Variants in GRM8 observed in about 807,000 individuals in gnomAD.
GRM8 encodes the protein metabotropic glutamate receptor 8.
In GRM8, 47 loss-of-function variants were observed where a neutral mutation model predicts 87.2. That is an observed-to-expected ratio of 0.54 (90% CI 0.43 to 0.69). The LOEUF is 0.69. GRM8 is among the 30% of genes least tolerant of loss of function. The probability of loss-of-function intolerance (pLI) is 0.00; values close to 1 mark genes in which losing one functional copy is unlikely to be tolerated. For synonymous variants in GRM8, 396 were observed against 404.5 expected, an observed-to-expected ratio of 0.98 and a Z score of 0.25; for missense variants, 1,019 against 1,139.2, an observed-to-expected ratio of 0.89 and a Z score of 1.52.
chr7:126,693,560 T>C (rs1809044165), intron 7 of GRM8, among the ~76,000 whole-genome samples: 1 of 152,176 alleles, frequency 6.6e-6, no homozygotes, highest in Non-Finnish European at 1.5e-5. Flanking sequence ...TATTCCAATC[T>C]ATTGACATTT....
intron 2 of GRM8, among the ~76,000 whole-genome samples, chr7:127,237,544 C>A (rs1341854308): frequency 6.6e-6 from 1 of 152,220 alleles, no homozygotes; most frequent in Non-Finnish European, 1.5e-5. Context: ...GCCAGGGAAA[C>A]AAGCTGCTTC....
chr7:127,006,832 T>G (rs1017475369), intron 3 of GRM8, among the ~76,000 whole-genome samples: 4 of 152,132 alleles, frequency 2.6e-5, no homozygotes, highest in Admixed American at 1.3e-4. Flanking sequence ...TATATACGCA[T>G]CCCCTATTTG....
At chr7:126,518,235 C>G (rs188515743) in intron 9 of GRM8, among the ~76,000 whole-genome samples, 4 of 152,184 alleles carry the variant, frequency 2.6e-5, no homozygotes, top group Admixed American at 2.6e-4. Context: ...TAAGAGATTA[C>G]TTTACACAAT....
At chr7:127,047,510 T>C (rs545344313) in intron 3 of GRM8, among the ~76,000 whole-genome samples, 2 of 152,166 alleles carry the variant, frequency 1.3e-5, no homozygotes, top group Non-Finnish European at 2.9e-5. Context: ...TTCTCCTTTT[T>C]TTCCCCTTGC....
In GRM8 at chr7:126,445,809, C is replaced by T. The variant is rs951537700; in HGVS notation, c.2677+317G>A. Among the ~76,000 whole-genome samples the T allele has an allele frequency of 8.6e-5, 13 of 151,862 alleles. No homozygotes were observed. The East Asian group carries it at 2.5e-3, about 30-fold the overall frequency. On this transcript the variant is annotated intron_variant, in intron 10 of 10. Transcript: ENST00000339582. ...ACAAGAAAAATTGTGGAATTGTTTC[C>T]AAGTACTAAAAGATAATTTTTATAA...
chr7:126,781,474 C>T (rs1820068510), intron 6 of GRM8, among the ~76,000 whole-genome samples: 1 of 152,164 alleles, frequency 6.6e-6, no homozygotes, highest in Non-Finnish European at 1.5e-5. Context: ...TTGCAAGTTA[C>T]TAATAGTACT....
chr7:126,649,865 T>A (rs1291768671), intron 7 of GRM8, among the ~76,000 whole-genome samples: 1 of 152,162 alleles, frequency 6.6e-6, no homozygotes, highest in Non-Finnish European at 1.5e-5. Flanking sequence ...ACTTGGGCCA[T>A]ATGACCCAGG....
chr7:127,013,053 C>T (rs1815056169), intron 3 of GRM8, among the ~76,000 whole-genome samples: 1 of 152,112 alleles, frequency 6.6e-6, no homozygotes, highest in South Asian at 2.1e-4. Context: ...TATTTCTAGA[C>T]TTTCTGTTAA....
rs777966522 is a variant in GRM8, at chr7:126,609,495, C to T, written c.1361G>A (p.Ser454Asn). The T allele has an allele frequency of 1.9e-6, 3 of 1,610,370 alleles. No individual in the cohort carries two copies. Among genetic ancestry groups the T allele is most frequent in the Admixed American group, 3.3e-5 (2 of 59,742 alleles). The change falls in exon 8 of 11, where the codon AGT (serine) becomes AAT (asparagine). Residue 454 changes from serine (S) to asparagine (N), a missense_variant. Coordinates refer to ENST00000339582, the MANE Select transcript of GRM8 (RefSeq NM_000845.3). ...GYIRAVNFNGSAGTPVTFNEN... is the reference protein window; with the variant it reads ...GYIRAVNFNGNAGTPVTFNEN... The stretch of plus-strand genomic sequence containing the variant: ...ATTAAAAGTGACAGGAGTGCCAGCA[C>T]TGCCTATAAAGATTTAGAAAACAAT...
chr7:127,066,996 A>G (rs933474046), intron 3 of GRM8, among the ~76,000 whole-genome samples: 4 of 152,158 alleles, frequency 2.6e-5, no homozygotes, highest in African/African-American at 7.2e-5. Flanking sequence ...CTGCCTAGCT[A>G]TTAAGTGGCA....
chr7:126,953,284 T>A (rs910950135), intron 3 of GRM8, among the ~76,000 whole-genome samples: 9 of 152,118 alleles, frequency 5.9e-5, no homozygotes, highest in African/African-American at 2.2e-4. Flanking sequence ...GACTTAAGAA[T>A]CTATATCAAC....
intron 6 of GRM8, among the ~76,000 whole-genome samples, chr7:126,844,200 T>C (rs193125777): frequency 6.6e-6 from 1 of 152,318 alleles, no homozygotes; most frequent in Non-Finnish European, 1.5e-5. Context: ...CACTGATTAT[T>C]GTACCATTCC....
At chr7:126,836,120 A>G (rs1028734574) in intron 6 of GRM8, among the ~76,000 whole-genome samples, 1 of 152,206 alleles carries the variant, frequency 6.6e-6, no homozygotes, top group African/African-American at 2.4e-5. Flanking sequence ...TGAATTTCAC[A>G]TTACTGAAGC....
chr7:126,969,197 G>A (rs979495165), intron 3 of GRM8, among the ~76,000 whole-genome samples: 1 of 152,100 alleles, frequency 6.6e-6, no homozygotes, highest in Non-Finnish European at 1.5e-5. Flanking sequence ...TCAGGGTGGT[G>A]GTTGCTGATA....
intron 6 of GRM8, among the ~76,000 whole-genome samples, chr7:126,856,913 C>T (rs1563254082): frequency 6.6e-6 from 1 of 152,310 alleles, no homozygotes; most frequent in East Asian, 1.9e-4. Context: ...TCTTTTGTGG[C>T]ATTTGGGGAA....
At chr7:126,927,680 C>A (rs898842520) in intron 3 of GRM8, among the ~76,000 whole-genome samples, 4 of 152,066 alleles carry the variant, frequency 2.6e-5, no homozygotes, top group Non-Finnish European at 5.9e-5. Flanking sequence ...CCATCTCATG[C>A]CAGTTAGAAT....
At chr7:126,855,977 T>A (rs766170918) in intron 6 of GRM8, among the ~76,000 whole-genome samples, 10 of 152,172 alleles carry the variant, frequency 6.6e-5, no homozygotes, top group Non-Finnish European at 1.5e-4. Context: ...GTATGCCAGA[T>A]GCTGGATTGT....
rs535946193 is a variant in GRM8, at chr7:127,187,120, A to T, written c.510+55575T>A. On this transcript the variant is annotated intron_variant, in intron 2 of 10. Coordinates refer to ENST00000339582, the MANE Select transcript of GRM8 (RefSeq NM_000845.3). ...TCCTCAGACAGTGAGAGCAAGATAC[A>T]CATCTGTAGATCTCCTACTCTAGTT... Among the ~76,000 whole-genome samples the T allele has an allele frequency of 1.8e-3, 273 of 152,294 alleles. 1 individual carries two copies. The highest frequency in any genetic ancestry group is 3.4e-3 in the Middle Eastern group (1 of 294).
chr7:126,842,239 G>C (rs778794076), intron 6 of GRM8, among the ~76,000 whole-genome samples: 5 of 152,148 alleles, frequency 3.3e-5, no homozygotes, highest in African/African-American at 4.8e-5. Flanking sequence ...GGATGGTCCT[G>C]AGCAGAAGGA....
Sources: allele counts gnomAD v4.1 joint callset (sites outside exome capture counted in the v4.1 genomes callset), GRCh38; gene constraint gnomAD v4.1.1; transcripts MANE v1.5; gene names NCBI Gene and HGNC (gene_info 2026-07-23, HGNC 2026-07-21).